The following RAD23B variants were observed in gnomAD, a reference collection of about 807,000 sequenced individuals.
RAD23B encodes the protein RAD23 nucleotide excision repair protein B, also known as lysine-specific demethylase RAD23B.
In RAD23B, 5 loss-of-function variants were observed where a neutral mutation model predicts 49.1. That is an observed-to-expected ratio of 0.10 (90% CI 0.05 to 0.21). The LOEUF is 0.21. Among genes scored for constraint, RAD23B ranks in the 10% least tolerant of loss-of-function variants. The pLI is 1.00. For synonymous variants in RAD23B, 184 were observed against 165.4 expected (o/e 1.11, Z -0.86); for missense variants, 356 against 486.7 (o/e 0.73, Z 2.53).
chr9:107,293,892 T>A (rs888964506), intron 1 of RAD23B, among the ~76,000 whole-genome samples: 1 of 152,184 alleles, frequency 6.6e-6, no homozygotes, highest in Non-Finnish European at 1.5e-5. Flanking sequence ...CAGTCAATCC[T>A]TTCACGTCAG....
At chr9:107,322,851 T>G (rs1827137066) in intron 7 of RAD23B, among the ~76,000 whole-genome samples, 1 of 152,226 alleles carries the variant, frequency 6.6e-6, no homozygotes, top group South Asian at 2.1e-4. Context: ...TTGTTTGTTG[T>G]GATTCAGCAT....
intron 2 of RAD23B, among the ~76,000 whole-genome samples, chr9:107,300,516 G>A (rs1203372200): frequency 6.7e-6 from 1 of 150,224 alleles, no homozygotes; most frequent in African/African-American, 2.4e-5. Flanking sequence ...AAATTGAATT[G>A]AAACCATTTA....
At chr9:107,326,323 C>CA (rs1238688263) in intron 9 of RAD23B, among the ~76,000 whole-genome samples, 9 of 150,548 alleles carry the variant, frequency 6.0e-5, no homozygotes, top group African/African-American at 2.2e-4. Context: ...ACTAAAAATA[C>CA]AAAAAAAATT....
Position 107,283,657 on chromosome 9 carries a change from C to T in RAD23B, c.28C>T (p.Gln10Ter). The T allele has an allele frequency of 1.3e-6, 2 of 1,485,916 alleles. No homozygotes were observed. The highest frequency in any genetic ancestry group is 1.8e-6 in the Non-Finnish European group (2 of 1,116,120). The allele number at this position is 1,485,916 out of a possible 1,614,324, so 92.0% of individuals were successfully genotyped here. The stretch of plus-strand genomic sequence containing the variant: ...GCAGGTCACCCTGAAGACCCTCCAG[C>T]AGCAGACCTTCAAGATAGACATTGA... MQVTLKTLQ[Q>*]QTFKIDIDPE... is the part of the protein sequence containing the mutation. The change falls in exon 1 of 10, where the codon CAG (glutamine) becomes TAG (stop). Residue 10 changes from glutamine to a stop codon, truncating the protein, a stop_gained. Transcript: ENST00000358015. LOFTEE classifies it high-confidence loss of function.
At position 107,325,313 on chromosome 9, in the gene RAD23B, C is replaced by CAAAAAAAAAAA. The variant is rs34042765; in HGVS notation, c.1116+327_1116+337dup. 2.6e-3 allele frequency among the ~76,000 whole-genome samples: 157 copies of CAAAAAAAAAAA among 61,380 alleles called. 5 individuals carry two copies. Among genetic ancestry groups the CAAAAAAAAAAA allele is most frequent in the African/African-American group, 0.01 (153 of 15,212 alleles). The allele number at this position is 61,380 out of a possible 152,430, so 40.3% of individuals were successfully genotyped here. A position where few individuals can be genotyped will look rare whatever the true frequency, so the allele number is the denominator to read the frequency against. On this transcript the variant is annotated intron_variant, in intron 9 of 9. Transcript: ENST00000358015. ...TGGGCAACAGAGTGAGACTCTGTCT[C>CAAAAAAAAAAA]AAAAAAAAAAAAAAAAAAAAAAAAA...
intron 6 of RAD23B, among the ~76,000 whole-genome samples, chr9:107,320,751 G>C (rs992652390): frequency 3.3e-5 from 5 of 152,148 alleles, no homozygotes; most frequent in African/African-American, 1.2e-4. Context: ...GGACGCCCTG[G>C]ATCCTAAATT....
At chr9:107,325,313 C>CAAAAAAAAAAAAAAA (rs34042765) in intron 9 of RAD23B, among the ~76,000 whole-genome samples, 16 of 61,384 alleles carry the variant, frequency 2.6e-4, no homozygotes, top group African/African-American at 1.1e-3. Flanking sequence ...GACTCTGTCT[C>CAAAAAAAAAAAAAAA]AAAAAAAAAA....
At chr9:107,326,627 C>T (rs1461134623) in intron 9 of RAD23B, among the ~76,000 whole-genome samples, 16 of 67,556 alleles carry the variant, frequency 2.4e-4, no homozygotes, top group South Asian at 1.7e-3. Context: ...TTTTGTATTT[C>T]TTTTTTTTTT....
At chr9:107,324,744 C>G in intron 8 of RAD23B, 90 bp from the exon 9 acceptor site, 1 of 1,308,544 alleles carries the variant, frequency 7.6e-7, no homozygotes. Flanking sequence ...AAAGTGTAGC[C>G]TTTTCTCTTA....
intron 9 of RAD23B, among the ~76,000 whole-genome samples, chr9:107,327,978 T>C (rs1386133771): frequency 6.6e-6 from 1 of 152,216 alleles, no homozygotes; most frequent in Non-Finnish European, 1.5e-5. Flanking sequence ...TTAAATCTGT[T>C]TCCTCTGATA....
At chr9:107,289,574 T>C (rs532134988) in intron 1 of RAD23B, among the ~76,000 whole-genome samples, 1 of 152,216 alleles carries the variant, frequency 6.6e-6, no homozygotes, top group East Asian at 1.9e-4. Context: ...TTAGGGGGCT[T>C]GTGCAGTAGT....
chr9:107,300,300 A>T, intron 2 of RAD23B, 78 bp downstream of exon 2: 1 of 1,416,230 alleles, frequency 7.1e-7, no homozygotes, highest in Admixed American at 2.6e-5. Flanking sequence ...TATATATTGT[A>T]GTATATTCAA....
chr9:107,328,203 A>G (rs1170628872), intron 9 of RAD23B, among the ~76,000 whole-genome samples: 1 of 152,194 alleles, frequency 6.6e-6, no homozygotes, highest in African/African-American at 2.4e-5. Flanking sequence ...TCATAGATGA[A>G]TAGTTATTCG....
intron 1 of RAD23B, among the ~76,000 whole-genome samples, chr9:107,292,191 G>A (rs974851849): frequency 2.6e-5 from 4 of 152,156 alleles, no homozygotes; most frequent in African/African-American, 9.6e-5. Flanking sequence ...ATGTTCAAAT[G>A]AATTTATGTA....
Position 107,283,576 on chromosome 9 carries a change from GC to G in RAD23B, c.-51del. ...GGGGCCCCGCCAGGCCACAGACCCC[GC>G]CCAGCGGCCAGCACCCGGCGCAGGC... On this transcript the variant is annotated 5_prime_UTR_variant, in exon 1 of 10. Coordinates refer to ENST00000358015, the MANE Select transcript of RAD23B (RefSeq NM_002874.5). 7.0e-6 allele frequency: 10 copies of G among 1,428,058 alleles called. No homozygotes were observed. The South Asian group carries it at 1.4e-4, about 19-fold the overall frequency. The allele number at this position is 1,428,058 out of a possible 1,614,324, so 88.5% of individuals were successfully genotyped here. A position where few individuals can be genotyped will look rare whatever the true frequency, so the allele number is the denominator to read the frequency against.
At chr9:107,315,668 C>T (rs902708997) in intron 5 of RAD23B, among the ~76,000 whole-genome samples, 4 of 152,000 alleles carry the variant, frequency 2.6e-5, no homozygotes, top group Admixed American at 2.0e-4. Context: ...CGCCTGCCAC[C>T]ATGCCCAGAT....
intron 9 of RAD23B, among the ~76,000 whole-genome samples, chr9:107,325,854 G>A (rs1827193173): frequency 6.6e-6 from 1 of 152,182 alleles, no homozygotes; most frequent in South Asian, 2.1e-4. Flanking sequence ...TCATCACTAA[G>A]TATGATATTA....
intron 1 of RAD23B, among the ~76,000 whole-genome samples, chr9:107,296,774 A>G (rs1162741451): frequency 6.6e-6 from 1 of 150,590 alleles, no homozygotes; most frequent in African/African-American, 2.4e-5. Context: ...GCCTCAAATG[A>G]TCCGCCCACT....
chr9:107,306,349 T>C, intron 3 of RAD23B, 30 bp from the exon 4 acceptor site: 5 of 1,592,264 alleles, frequency 3.1e-6, no homozygotes, highest in East Asian at 2.2e-5. Flanking sequence ...AGTATTTTAT[T>C]GTAATTATTT....
Sources: gnomAD v4.1 joint callset for allele counts (sites outside exome capture counted in the v4.1 genomes callset) on GRCh38, gnomAD v4.1.1 for gene constraint, MANE v1.5 for transcripts, NCBI Gene and HGNC (gene_info 2026-07-23, HGNC 2026-07-21) for gene names.